The following SLC9B1 variants were observed in gnomAD, a reference collection of about 807,000 sequenced individuals.
SLC9B1 encodes solute carrier family 9 member B1.
A neutral mutation model predicts 51.7 loss-of-function variants in SLC9B1; 32 were observed. That is an observed-to-expected ratio of 0.62 (90% CI 0.47 to 0.83). The LOEUF is 0.83. Ranked by LOEUF, SLC9B1 falls within the 40% of genes least tolerant of loss-of-function variation. The pLI, the probability that SLC9B1 is intolerant of heterozygous loss-of-function variation, is 0.00. For synonymous variants in SLC9B1, 145 were observed against 212.7 expected (o/e 0.68, Z 2.77); for missense variants, 406 against 613.2 (o/e 0.66, Z 3.57).
At chr4:102,984,583 T>A (rs1649364022) in intron 3 of SLC9B1, among the ~76,000 whole-genome samples, 1 of 152,200 alleles carries the variant, frequency 6.6e-6, no homozygotes, top group African/African-American at 2.4e-5. Context: ...CTTTCAAATT[T>A]ATTAAGGTAT....
intron 6 of SLC9B1, among the ~76,000 whole-genome samples, chr4:102,934,811 G>T (rs915397742): frequency 2.0e-5 from 3 of 150,536 alleles, no homozygotes; most frequent in Admixed American, 1.3e-4. Flanking sequence ...GTGATCATGA[G>T]GTAAAAAGGA....
chr4:102,912,600 C>T (rs1578340099), intron 7 of SLC9B1, among the ~76,000 whole-genome samples: 1 of 152,098 alleles, frequency 6.6e-6, no homozygotes, highest in Admixed American at 6.6e-5. Flanking sequence ...ATATAACAGG[C>T]AGGGCATGGT....
intron 1 of SLC9B1, among the ~76,000 whole-genome samples, chr4:103,008,425 T>C (rs1423137786): frequency 3.1e-5 from 1 of 32,476 alleles, no homozygotes; most frequent in Non-Finnish European, 5.5e-5. Flanking sequence ...TTTGCTACTT[T>C]TTTTTTTTTT....
At chr4:102,886,961 A>G (rs549825771) in intron 11 of SLC9B1, among the ~76,000 whole-genome samples, 34 of 152,302 alleles carry the variant, frequency 2.2e-4, no homozygotes, top group African/African-American at 7.9e-4. Context: ...CATGAGTTTT[A>G]TAGCAAGAAA....
chr4:102,939,207 C>A (rs1458327700), intron 6 of SLC9B1, among the ~76,000 whole-genome samples: 1 of 150,224 alleles, frequency 6.7e-6, no homozygotes, highest in East Asian at 1.9e-4. Context: ...GTGGACGTTA[C>A]CGCCAACCAC....
At chr4:102,970,975 C>G (rs1355480028) in intron 3 of SLC9B1, among the ~76,000 whole-genome samples, 1 of 152,132 alleles carries the variant, frequency 6.6e-6, no homozygotes, top group Non-Finnish European at 1.5e-5. Flanking sequence ...CAGGAGCACC[C>G]AGATTCATAA....
chr4:103,008,797 CTTTTTTT>C (rs34403441), intron 1 of SLC9B1, among the ~76,000 whole-genome samples: 9 of 99,460 alleles, frequency 9.0e-5, no homozygotes, highest in African/African-American at 1.5e-4. Context: ...TTAACAGTTT[CTTTTTTT>C]TTTTTTTTTT....
intron 6 of SLC9B1, among the ~76,000 whole-genome samples, chr4:102,944,297 G>A (rs1737161867): frequency 6.6e-6 from 1 of 152,130 alleles, no homozygotes; most frequent in Non-Finnish European, 1.5e-5. Flanking sequence ...TTACCTGGGT[G>A]ACAAAATAAT....
At chr4:102,993,201 G>A (rs1320554721) in intron 1 of SLC9B1, among the ~76,000 whole-genome samples, 2 of 152,086 alleles carry the variant, frequency 1.3e-5, no homozygotes, top group Non-Finnish European at 1.5e-5. Flanking sequence ...TAAGTCCAAA[G>A]TCTTGTCTGA....
At chr4:102,971,566 A>G (rs1738761350) in intron 3 of SLC9B1, among the ~76,000 whole-genome samples, 1 of 152,206 alleles carries the variant, frequency 6.6e-6, no homozygotes, top group South Asian at 2.1e-4. Flanking sequence ...CCCTAACATC[A>G]CAATGAAAAG....
chr4:103,017,452 C>A (rs1278222850), intron 1 of SLC9B1, among the ~76,000 whole-genome samples: 2 of 152,184 alleles, frequency 1.3e-5, no homozygotes, highest in Non-Finnish European at 2.9e-5. Flanking sequence ...CTATTCAAAG[C>A]CTTACATGAT....
chr4:103,007,256 T>G (rs971506770), intron 1 of SLC9B1, among the ~76,000 whole-genome samples: 4 of 152,102 alleles, frequency 2.6e-5, no homozygotes, highest in African/African-American at 9.7e-5. Flanking sequence ...CTCCTAGATA[T>G]AAAAAACTAC....
At position 102,932,134 on chromosome 4, in the gene SLC9B1, G is replaced by T. The variant is rs371372152; in HGVS notation, c.819C>A (p.Val273=). The T allele has an allele frequency of 1.7e-5, 27 of 1,611,760 alleles. No individual in the cohort carries two copies. The African/African-American group carries it at 3.2e-4, about 19-fold the overall frequency. Residue 273 remains valine, a synonymous_variant, in exon 7 of 12, where the codon GTC becomes GTA. Coordinates refer to ENST00000296422, the MANE Select transcript of SLC9B1 (RefSeq NM_139173.4). ...ITGFNTCLSI[V]FSSGGILNNA... ...TATTTTCTTGTTTACCTGAGGAAAA[G>T]ACTATGCTCAAGCATGTATTGAATC...
downstream of SLC9B1, among the ~76,000 whole-genome samples, chr4:102,899,157 A>G (rs1369812819): frequency 9.6e-5 from 14 of 145,740 alleles, no homozygotes; most frequent in Non-Finnish European, 1.8e-4. Context: ...AAAATTTCAA[A>G]TAAATAACAA....
At position 102,989,809 on chromosome 4, in the gene SLC9B1, T is replaced by C; in HGVS notation, c.202A>G (p.Ile68Val). Reference protein sequence around the residue: ...CPLRGVLNVIITNGVILFVIW... With the variant: ...CPLRGVLNVIVTNGVILFVIW... ...TTTTTGTTTCACATACCATTTGTAATAATTACATTCAATACTCCTCTTAGA... is the reference window on the plus strand; with the variant it reads ...TTTTTGTTTCACATACCATTTGTAACAATTACATTCAATACTCCTCTTAGA... The change falls in exon 3 of 12, where the codon ATT becomes GTT. Residue 68 changes from isoleucine to valine, a missense_variant. Ile to Val is a conservative substitution (Grantham distance 29). This residue lies in a region of SLC9B1 where 108 missense variants were observed against 94.5 expected (regional missense o/e 1.14). Coordinates refer to ENST00000296422, the MANE Select transcript of SLC9B1 (RefSeq NM_139173.4). The C allele has an allele frequency of 6.4e-7, 1 of 1,573,062 alleles. No homozygotes were observed. Among genetic ancestry groups the C allele is most frequent in the Non-Finnish European group, 8.6e-7 (1 of 1,159,456 alleles).
chr4:102,961,399 TCTCCCCAGCCTCTTTTCCTAAAC>T (rs1738115418), intron 3 of SLC9B1, among the ~76,000 whole-genome samples: 1 of 152,280 alleles, frequency 6.6e-6, no homozygotes, highest in Admixed American at 6.5e-5. Flanking sequence ...CTGTCTCAAA[TCTCCCCAGCCTCTTTTCCTAAAC>T]CTCCCCAGCC....
intron 11 of SLC9B1, among the ~76,000 whole-genome samples, chr4:102,886,176 C>A (rs1405378063): frequency 1.3e-5 from 2 of 152,060 alleles, no homozygotes; most frequent in Non-Finnish European, 2.9e-5. Flanking sequence ...ACAGTGTGAT[C>A]CCAATTTTGT....
intron 3 of SLC9B1, among the ~76,000 whole-genome samples, chr4:102,969,179 C>A (rs924428450): frequency 2.6e-5 from 4 of 152,228 alleles, no homozygotes; most frequent in Non-Finnish European, 2.9e-5. Context: ...CTGAAGAGAG[C>A]AGTGGTTCTC....
intron 3 of SLC9B1, among the ~76,000 whole-genome samples, chr4:102,951,065 T>C (rs1173845260): frequency 1.3e-5 from 2 of 152,112 alleles, no homozygotes; most frequent in African/African-American, 4.8e-5. Flanking sequence ...GTCATCCTAC[T>C]GACAAATTGA....
Sources: allele counts gnomAD v4.1 joint callset (sites outside exome capture counted in the v4.1 genomes callset), GRCh38; gene constraint gnomAD v4.1.1; regional missense constraint gnomAD v4.1.1; transcripts MANE v1.5; gene names NCBI Gene and HGNC (gene_info 2026-07-23, HGNC 2026-07-21).